Variants in USP6NL observed in about 807,000 individuals in gnomAD.
USP6NL encodes the protein USP6 N-terminal-like protein.
USP6NL carries 26 observed loss-of-function variants against 61.9 expected under a neutral mutation model. That is an observed-to-expected ratio of 0.42 (90% confidence interval 0.31 to 0.58). USP6NL has a LOEUF of 0.58. Among genes scored for constraint, USP6NL ranks in the 20% least tolerant of loss-of-function variants. The probability of loss-of-function intolerance (pLI) is 0.16; values close to 1 mark genes in which losing one functional copy is unlikely to be tolerated. For missense variants in USP6NL, 1,114 were observed against 1,034.3 expected, an observed-to-expected ratio of 1.08 and a Z score of -1.06; for synonymous variants, 432 against 390.1, an observed-to-expected ratio of 1.11 and a Z score of -1.27.
chr10:11,534,285 T>C (rs1455032030), intron 2 of USP6NL, among the ~76,000 whole-genome samples: 1 of 152,226 alleles, frequency 6.6e-6, no homozygotes, highest in Non-Finnish European at 1.5e-5. Context: ...CTCCACTGTT[T>C]TAACAGTCTT....
chr10:11,586,002 T>G (rs914810659), intron 2 of USP6NL, among the ~76,000 whole-genome samples: 18 of 152,164 alleles, frequency 1.2e-4, no homozygotes, highest in Non-Finnish European at 1.5e-5. Flanking sequence ...GTGAAGAGAT[T>G]AAGGTTGCAC....
intron 2 of USP6NL, among the ~76,000 whole-genome samples, chr10:11,558,860 A>C (rs1836818703): frequency 6.6e-6 from 1 of 152,124 alleles, no homozygotes. Context: ...TGGAAGTATA[A>C]CTACAACTAA....
chr10:11,506,762 G>A (rs374244724), intron 6 of USP6NL, among the ~76,000 whole-genome samples: 4 of 150,628 alleles, frequency 2.7e-5, no homozygotes, highest in East Asian at 3.9e-4. Context: ...TTAAAGCTTG[G>A]GTTCTAAAAA....
intron 5 of USP6NL, 43 bp from the exon 6 acceptor site, chr10:11,509,718 T>G (rs1192129036): frequency 6.8e-7 from 1 of 1,480,802 alleles, no homozygotes; most frequent in South Asian, 1.3e-5. Flanking sequence ...GTTCGTTTCT[T>G]TACTTATGAG....
In USP6NL at chr10:11,482,068, T is replaced by A; in HGVS notation, c.926-146A>T. The A allele has an allele frequency of 1.3e-6, 1 of 778,244 alleles. No individual in the cohort carries two copies. Among genetic ancestry groups the A allele is most frequent in the Non-Finnish European group, 1.9e-6 (1 of 528,684 alleles). 48.2% of individuals were successfully genotyped at this position (778,244 alleles called of 1,614,324 possible). ...TTACATATGGCATTGAGGACATCAT[T>A]AAAACTCAGTAAGACAAAAATATTG... On this transcript the variant is annotated intron_variant, in intron 13 of 14. Transcript: ENST00000609104. The surrounding 1 kb of genome is among the most constrained non-coding windows in gnomAD (Gnocchi z 4.0).
rs1836365434 is a variant in USP6NL at position 11,548,526 on chromosome 10, A to C, written c.5-20959T>G. ...TCCTATAAAGATCTTTGTAAATCTT[A>C]ATTTCATAACCTTACTTTAGCTATC... On this transcript the variant is annotated intron_variant, in intron 2 of 14. Transcript: ENST00000609104. This position sits in a 1 kb window ranked among gnomAD's most constrained non-coding sequence, Gnocchi z 4.3. 6.6e-6 allele frequency among the ~76,000 whole-genome samples: 1 copy of C among 152,166 alleles called. No individual in the cohort carries two copies. The highest frequency in any genetic ancestry group is 2.4e-5 in the African/African-American group (1 of 41,422).
chr10:11,555,473 G>GAGAGAGAA (rs1836675966), intron 2 of USP6NL, among the ~76,000 whole-genome samples: 1 of 117,250 alleles, frequency 8.5e-6, no homozygotes, highest in Non-Finnish European at 1.7e-5. Flanking sequence ...GAGAGAGAAA[G>GAGAGAGAA]AGAGAGAGAG....
intron 2 of USP6NL, among the ~76,000 whole-genome samples, chr10:11,583,836 T>TG (rs771758545): frequency 1.2e-4 from 18 of 152,156 alleles, no homozygotes; most frequent in Non-Finnish European, 1.2e-4. Context: ...AAGACCAGCC[T>TG]GGCCAACGTG....
At position 11,540,643 on chromosome 10, in the gene USP6NL, A is replaced by C. The variant is rs745940127; in HGVS notation, c.5-13076T>G. 3.3e-5 allele frequency among the ~76,000 whole-genome samples: 5 copies of C among 152,220 alleles called. No homozygotes were observed. Among genetic ancestry groups the C allele is most frequent in the Non-Finnish European group, 5.9e-5 (4 of 68,032 alleles). On this transcript the variant is annotated intron_variant, in intron 2 of 14. Coordinates refer to ENST00000609104, the MANE Select transcript of USP6NL (RefSeq NM_014688.5). This position sits in a 1 kb window ranked among gnomAD's most constrained non-coding sequence, Gnocchi z 5.0. ...CTTGCAGACCAGATATAAGAAGATA[A>C]TTCATAGACTGCCCACTCTGATGCT... is the stretch of plus-strand genomic sequence containing the variant.
chr10:11,573,140 TTATAAC>T (rs1837421689), intron 2 of USP6NL, among the ~76,000 whole-genome samples: 1 of 152,160 alleles, frequency 6.6e-6, no homozygotes, highest in African/African-American at 2.4e-5. Context: ...AAATTCATAT[TTATAAC>T]TATTATTTTA....
At chr10:11,531,414 C>T (rs185658489) in intron 2 of USP6NL, among the ~76,000 whole-genome samples, 274 of 152,118 alleles carry the variant, frequency 1.8e-3, no homozygotes, top group African/African-American at 6.1e-3. Context: ...CCTCCACCTC[C>T]CAGGTTCAAG....
rs374606432 is a variant in USP6NL at position 11,520,454 on chromosome 10, C to G, written c.156-1880G>C. Among the ~76,000 whole-genome samples, 4 of 152,348 alleles carry G rather than the reference C, an allele frequency of 2.6e-5. No individual in the cohort carries two copies. The South Asian group carries it at 6.2e-4, about 24-fold the overall frequency. ...ATTTCACACCCTTCCGAGGATGACA[C>G]TGCTGCTGCTTACCAAGAGCTCCCT... On this transcript the variant is annotated intron_variant, in intron 4 of 14. Coordinates refer to ENST00000609104, the MANE Select transcript of USP6NL (RefSeq NM_014688.5). The surrounding 1 kb of genome is among the most constrained non-coding windows in gnomAD (Gnocchi z 5.2).
At chr10:11,549,493 C>T (rs1342749799) in intron 2 of USP6NL, among the ~76,000 whole-genome samples, 1 of 152,116 alleles carries the variant, frequency 6.6e-6, no homozygotes, top group Non-Finnish European at 1.5e-5. Context: ...TTTTCACTCC[C>T]TATTGGTGAT....
intron 2 of USP6NL, among the ~76,000 whole-genome samples, chr10:11,584,915 T>C (rs577920796): frequency 6.6e-6 from 1 of 152,016 alleles, no homozygotes; most frequent in African/African-American, 2.4e-5. Context: ...TCCAGCCTAG[T>C]TGACAGAGCA....
In USP6NL at chr10:11,596,202, T is replaced by G. The variant is rs1419363543; in HGVS notation, c.4+1429A>C. 6.6e-6 allele frequency among the ~76,000 whole-genome samples: 1 copy of G among 152,200 alleles called. No individual in the cohort carries two copies. Among genetic ancestry groups the G allele is most frequent in the Non-Finnish European group, 1.5e-5 (1 of 68,036 alleles). ...ATTTCACTTTCCAAAAATGTAAGCG[T>G]TTTTAAGTTAAAATGCTTGCCATTT... On this transcript the variant is annotated intron_variant, in intron 2 of 14. Coordinates refer to ENST00000609104, the MANE Select transcript of USP6NL (RefSeq NM_014688.5). The surrounding 1 kb of genome is among the most constrained non-coding windows in gnomAD (Gnocchi z 4.1).
intron 2 of USP6NL, 32 bp from the exon 3 acceptor site, chr10:11,527,599 G>C: frequency 2.6e-6 from 4 of 1,565,896 alleles, no homozygotes; most frequent in Non-Finnish European, 3.5e-6. Context: ...TAGATGAATT[G>C]TCATTGAAAG....
At chr10:11,521,979 T>C (rs1169387741) in intron 4 of USP6NL, among the ~76,000 whole-genome samples, 3 of 152,250 alleles carry the variant, frequency 2.0e-5, no homozygotes, top group Non-Finnish European at 4.4e-5. Flanking sequence ...CTCCAACTTC[T>C]TCCTTAAACA....
rs1166110884 is a variant in USP6NL, at chr10:11,460,634, TATATATATATATATATATATAA to T, written c.*1785_*1806del. 1 of 115,482 alleles carries T rather than the reference TATATATATATATATATATATAA, an allele frequency of 8.7e-6. No homozygotes were observed. The highest frequency in any genetic ancestry group is 1.7e-5 in the Non-Finnish European group (1 of 59,300). 7.2% of individuals were successfully genotyped at this position (115,482 alleles called of 1,614,324 possible). On this transcript the variant is annotated 3_prime_UTR_variant, in exon 15 of 15. Coordinates refer to ENST00000609104, the MANE Select transcript of USP6NL (RefSeq NM_014688.5). ...TATATATATTTTTTGCATATATATA[TATATATATATATATATATATAA>T]AAATCTACAGTATTTACCACTGTTG...
At position 11,596,432 on chromosome 10, in the gene USP6NL, T is replaced by C. The variant is rs1838329885; in HGVS notation, c.4+1199A>G. ...GTCAGGAGATCGAGACCATCCTGAC[T>C]AACACGGTGAAACCCCGTCTCTACT... On this transcript the variant is annotated intron_variant, in intron 2 of 14. Coordinates refer to ENST00000609104, the MANE Select transcript of USP6NL (RefSeq NM_014688.5). This position sits in a 1 kb window ranked among gnomAD's most constrained non-coding sequence, Gnocchi z 4.1. Among the ~76,000 whole-genome samples the C allele has an allele frequency of 6.6e-6, 1 of 151,826 alleles. No homozygotes were observed. Among genetic ancestry groups the C allele is most frequent in the African/African-American group, 2.4e-5 (1 of 41,286 alleles).
Sources: allele counts gnomAD v4.1 joint callset (sites outside exome capture counted in the v4.1 genomes callset), GRCh38; gene constraint gnomAD v4.1.1; non-coding constraint Gnocchi (gnomAD v3.1); transcripts MANE v1.5; gene names NCBI Gene and HGNC (gene_info 2026-07-23, HGNC 2026-07-21).